Variants in CNOT9 observed in about 807,000 individuals in gnomAD.
CNOT9 encodes the protein RCD1 required for cell differentiation1 homolog.
A neutral mutation model predicts 37.4 loss-of-function variants in CNOT9; 8 were observed. The observed-to-expected ratio is 0.21, with a 90% CI of 0.13 to 0.39. The LOEUF is 0.39. Among genes scored for constraint, CNOT9 ranks in the 10% least tolerant of loss-of-function variants. CNOT9 has a pLI of 1.00. For synonymous variants in CNOT9, 120 were observed against 137.6 expected (o/e 0.87, Z 0.90); for missense variants, 154 against 365.3 (o/e 0.42, Z 4.71).
rs751356765 is a variant in CNOT9 at position 218,594,271 on chromosome 2, C to T, written c.895C>T (p.Gln299Ter). 1.9e-6 allele frequency: 3 copies of T among 1,608,016 alleles called. No homozygotes were observed. Among genetic ancestry groups the T allele is most frequent in the Non-Finnish European group, 2.5e-6 (3 of 1,176,834 alleles). The change falls in exon 8 of 8, where the codon CAG becomes TAG. Residue 299 changes from glutamine (Q) to a stop codon, truncating the protein, a stop_gained. Coordinates refer to ENST00000273064, the MANE Select transcript of CNOT9 (RefSeq NM_005444.3). LOFTEE classifies it high-confidence loss of function. ...TCCCCGGGGTATCCCCCTGCCCCCTCAGTGATCCTTCCCTGTTCCCTCCCA... is the reference window on the plus strand; with the variant it reads ...TCCCCGGGGTATCCCCCTGCCCCCTTAGTGATCCTTCCCTGTTCCCTCCCA... ...TDPRGIPLPPQ is the reference protein window; with the variant it reads ...TDPRGIPLPP
chr2:218,583,052 T>G lies in CNOT9; in HGVS notation c.286T>G (p.Leu96Val). The change falls in exon 3 of 8, where the codon TTA (leucine) becomes GTA (valine). Residue 96 changes from leucine (L) to valine (V), a missense_variant. Coordinates refer to ENST00000273064, the MANE Select transcript of CNOT9 (RefSeq NM_005444.3). ...TAACAGAGTTTGCAATGCTCTGGCA[T>G]TACTGCAATGTGTAGCATCACATCC... is the stretch of plus-strand genomic sequence containing the variant. ...QSNRVCNALA[L>V]LQCVASHPET... 1 of 1,613,972 alleles carries G rather than the reference T, an allele frequency of 6.2e-7. No homozygotes were observed.
rs1050442729 is a variant in CNOT9 at position 218,592,923 on chromosome 2, G to A, written c.731+216G>A. The stretch of plus-strand genomic sequence containing the variant: ...TCTCACTGTAACTCTCCATCCTACT[G>A]TGAAATTCCAGAGAGTCTAGGCGAT... On this transcript the variant is annotated intron_variant, in intron 7 of 7. Transcript: ENST00000273064. The surrounding 1 kb of genome is among the most constrained non-coding windows in gnomAD (Gnocchi z 4.1). The A allele has an allele frequency of 3.6e-6, 2 of 558,958 alleles. No homozygotes were observed. The highest frequency in any genetic ancestry group is 6.3e-6 in the Non-Finnish European group (2 of 315,272). The allele number at this position is 558,958 out of a possible 1,614,324, so 34.6% of individuals were successfully genotyped here.
chr2:218,592,746 C>A lies in CNOT9; in HGVS notation c.731+39C>A, dbSNP rs1325291397. On this transcript the variant is annotated intron_variant, in intron 7 of 7. Coordinates refer to ENST00000273064, the MANE Select transcript of CNOT9 (RefSeq NM_005444.3). The surrounding 1 kb of genome is among the most constrained non-coding windows in gnomAD (Gnocchi z 4.1). Reference sequence around the variant, plus strand: ...GGATGTATAGGACTTTAGGGAAATACTCTGCTGAACAGTTTCCTAATCTCA... The same window carrying A: ...GGATGTATAGGACTTTAGGGAAATAATCTGCTGAACAGTTTCCTAATCTCA... The A allele has an allele frequency of 1.3e-6, 2 of 1,504,342 alleles. No individual in the cohort carries two copies. Among genetic ancestry groups the A allele is most frequent in the Middle Eastern group, 1.7e-4 (1 of 5,848 alleles). The allele number at this position is 1,504,342 out of a possible 1,614,324, so 93.2% of individuals were successfully genotyped here.
In CNOT9 at chr2:218,592,526, T is replaced by G; in HGVS notation, c.640-90T>G. ...TAACAATTTTGGAACCTTTTATGAT[T>G]CTTGGACTATCTGATCTCTGATGTC... is the stretch of plus-strand genomic sequence containing the variant. On this transcript the variant is annotated intron_variant, in intron 6 of 7. Transcript: ENST00000273064. The surrounding 1 kb of genome is among the most constrained non-coding windows in gnomAD (Gnocchi z 4.1). 2 of 1,502,864 alleles carry G rather than the reference T, an allele frequency of 1.3e-6. No individual in the cohort carries two copies. The allele number at this position is 1,502,864 out of a possible 1,614,324, so 93.1% of individuals were successfully genotyped here. A position where few individuals can be genotyped will look rare whatever the true frequency, so the allele number is the denominator to read the frequency against.
At chr2:218,579,308 ATG>A (rs1249312214) in intron 1 of CNOT9, among the ~76,000 whole-genome samples, 3 of 152,110 alleles carry the variant, frequency 2.0e-5, no homozygotes, top group Non-Finnish European at 4.4e-5. Context: ...TTATTTTTAT[ATG>A]TGTGTATATT....
rs1379219317 is a variant in CNOT9 at position 218,596,223 on chromosome 2, CAA to C, written c.*1949_*1950del. 6.6e-6 allele frequency: 1 copy of C among 152,190 alleles called. No homozygotes were observed. Among genetic ancestry groups the C allele is most frequent in the East Asian group, 1.9e-4 (1 of 5,188 alleles). 9.4% of individuals were successfully genotyped at this position (152,190 alleles called of 1,614,324 possible). On this transcript the variant is annotated 3_prime_UTR_variant, in exon 8 of 8. Coordinates refer to ENST00000273064, the MANE Select transcript of CNOT9 (RefSeq NM_005444.3). ...CGGTGCATTGGCCATGTTACTGTGC[CAA>C]AGTGTCTTAATTCTTGTCCCATCTA...
chr2:218,594,473 C>A lies in CNOT9; in HGVS notation c.*197C>A. ...GCTGTCTTGAGGACCTGGGCTCCCT[C>A]TGCTACTCCCAGGAAATGGGCTCCT... On this transcript the variant is annotated 3_prime_UTR_variant, in exon 8 of 8. Transcript: ENST00000273064. The A allele has an allele frequency of 1.7e-6, 1 of 596,956 alleles. No homozygotes were observed. The highest frequency in any genetic ancestry group is 2.9e-6 in the Non-Finnish European group (1 of 348,758). The allele number at this position is 596,956 out of a possible 1,614,324, so 37.0% of individuals were successfully genotyped here.
chr2:218,580,215 C>T (rs1376507306), intron 1 of CNOT9, among the ~76,000 whole-genome samples: 1 of 151,862 alleles, frequency 6.6e-6, no homozygotes, highest in Non-Finnish European at 1.5e-5. Flanking sequence ...GTGACCCACC[C>T]AACATGGCCT....
intron 1 of CNOT9, among the ~76,000 whole-genome samples, 169 bp from the exon 2 acceptor site, chr2:218,580,392 T>A (rs1694333186): frequency 1.3e-5 from 2 of 152,222 alleles, no homozygotes; most frequent in Non-Finnish European, 2.9e-5. Flanking sequence ...GCATTTTAGA[T>A]TTTCATCAGT....
intron 1 of CNOT9, among the ~76,000 whole-genome samples, chr2:218,579,129 A>G (rs1694278490): frequency 6.6e-6 from 1 of 152,232 alleles, no homozygotes; most frequent in Non-Finnish European, 1.5e-5. Context: ...AAAAACTATT[A>G]TATGCATATG....
At position 218,572,159 on chromosome 2, in the gene CNOT9, A is replaced by G. The variant is rs180828242; in HGVS notation, c.24+3181A>G. Among the ~76,000 whole-genome samples, 842 of 151,744 alleles carry G rather than the reference A, an allele frequency of 5.5e-3. 11 individuals are homozygous for G. The highest frequency in any genetic ancestry group is 6.5e-3 in the Non-Finnish European group (444 of 67,892). ...AACGTGGTGAAACCTCATCTCTACT[A>G]AAAATACAAAAATTAGCTGGGCATG... On this transcript the variant is annotated intron_variant, in intron 1 of 7. Coordinates refer to ENST00000273064, the MANE Select transcript of CNOT9 (RefSeq NM_005444.3).
chr2:218,592,776 ATAGCTCCTGTGTCTT>A lies in CNOT9; in HGVS notation c.731+73_731+87del. On this transcript the variant is annotated intron_variant, in intron 7 of 7. Coordinates refer to ENST00000273064, the MANE Select transcript of CNOT9 (RefSeq NM_005444.3). The surrounding 1 kb of genome is among the most constrained non-coding windows in gnomAD (Gnocchi z 4.1). Reference sequence around the variant, plus strand: ...CTGAACAGTTTCCTAATCTCATGGCATAGCTCCTGTGTCTTTAGGACAGGGAAGTGGGGATATAAC... The same window carrying A: ...CTGAACAGTTTCCTAATCTCATGGCATAGGACAGGGAAGTGGGGATATAAC... 3.2e-6 allele frequency: 4 copies of A among 1,233,916 alleles called. No homozygotes were observed. Among genetic ancestry groups the A allele is most frequent in the Non-Finnish European group, 3.6e-6 (3 of 835,376 alleles). 76.4% of individuals were successfully genotyped at this position (1,233,916 alleles called of 1,614,324 possible). A position where few individuals can be genotyped will look rare whatever the true frequency, so the allele number is the denominator to read the frequency against.
At chr2:218,584,069 G>C (rs1559247841) in intron 3 of CNOT9, among the ~76,000 whole-genome samples, 1 of 152,224 alleles carries the variant, frequency 6.6e-6, no homozygotes, top group Non-Finnish European at 1.5e-5. Context: ...ATAGGTGAGG[G>C]AGATAATCTA....
In CNOT9 at chr2:218,568,993, C is replaced by A; in HGVS notation, c.24+15C>A. On this transcript the variant is annotated intron_variant, in intron 1 of 7. Coordinates refer to ENST00000273064, the MANE Select transcript of CNOT9 (RefSeq NM_005444.3). Reference sequence around the variant, plus strand: ...CGACGGCTGCGGTGAGTGGCTGGGCCCCCAGGCTTGGAACCAGAATCCTTT... The same window carrying A: ...CGACGGCTGCGGTGAGTGGCTGGGCACCCAGGCTTGGAACCAGAATCCTTT... 6.2e-7 allele frequency: 1 copy of A among 1,611,364 alleles called. No individual in the cohort carries two copies. Among genetic ancestry groups the A allele is most frequent in the African/African-American group, 1.3e-5 (1 of 74,938 alleles).
At chr2:218,571,738 A>C (rs374537033) in intron 1 of CNOT9, among the ~76,000 whole-genome samples, 4 of 122,828 alleles carry the variant, frequency 3.3e-5, no homozygotes. Context: ...CGCCTGGCTA[A>C]TTTTTTTTTT....
chr2:218,570,106 G>C (rs1423072759), intron 1 of CNOT9, among the ~76,000 whole-genome samples: 1 of 152,188 alleles, frequency 6.6e-6, no homozygotes. Flanking sequence ...TAAAGACTCA[G>C]ATACTTTGCT....
At chr2:218,570,649 ATC>A (rs1693957434) in intron 1 of CNOT9, among the ~76,000 whole-genome samples, 1 of 152,200 alleles carries the variant, frequency 6.6e-6, no homozygotes, top group African/African-American at 2.4e-5. Flanking sequence ...TGACTTGTCC[ATC>A]TCTCAAAATC....
chr2:218,570,411 A>G (rs890211654), intron 1 of CNOT9, among the ~76,000 whole-genome samples: 1 of 152,252 alleles, frequency 6.6e-6, no homozygotes, highest in Non-Finnish European at 1.5e-5. Context: ...CTCCATTGTC[A>G]GTTCCAGTGC....
At chr2:218,584,783 T>C in intron 4 of CNOT9, 62 bp downstream of exon 4, 1 of 1,206,008 alleles carries the variant, frequency 8.3e-7, no homozygotes, top group South Asian at 1.2e-5. Context: ...AAGTTGGGTG[T>C]TTTGTCTTGC....
Sources: gnomAD v4.1 joint callset for allele counts (sites outside exome capture counted in the v4.1 genomes callset) on GRCh38, gnomAD v4.1.1 for gene constraint, Gnocchi (gnomAD v3.1) non-coding constraint, MANE v1.5 for transcripts, NCBI Gene and HGNC (gene_info 2026-07-23, HGNC 2026-07-21) for gene names.